Variants in ADAM23 observed in about 807,000 individuals in gnomAD.
ADAM23 encodes disintegrin and metalloproteinase domain-containing protein 23.
In ADAM23, 33 loss-of-function variants were observed where a neutral mutation model predicts 120.1. That is an observed-to-expected ratio of 0.27 (90% CI 0.21 to 0.37). The LOEUF (loss-of-function observed/expected upper bound fraction) is 0.37, where lower values mean the gene tolerates loss of function less well. ADAM23 is among the 10% of genes least tolerant of loss of function. The pLI, the probability that ADAM23 is intolerant of heterozygous loss-of-function variation, is 1.00. For synonymous variants in ADAM23, 367 were observed against 375.2 expected (o/e 0.98, Z 0.25); for missense variants, 862 against 1,058.2 (o/e 0.81, Z 2.57).
In ADAM23 at chr2:206,619,122, T is replaced by C. The variant is rs1698993420; in HGVS notation, c.*1495T>C. 1 of 152,242 alleles carries C rather than the reference T, an allele frequency of 6.6e-6. No homozygotes were observed. Among genetic ancestry groups the C allele is most frequent in the African/African-American group, 2.4e-5 (1 of 41,464 alleles). The allele number at this position is 152,242 out of a possible 1,614,324, so 9.4% of individuals were successfully genotyped here. Reference sequence around the variant, plus strand: ...AATAGAAGGAGCAGTTACCTTTGTATCCGCATTGTTAAAATAGGCTTTTAT... The same window carrying C: ...AATAGAAGGAGCAGTTACCTTTGTACCCGCATTGTTAAAATAGGCTTTTAT... On this transcript the variant is annotated 3_prime_UTR_variant, in exon 26 of 26. Transcript: ENST00000264377.
chr2:206,574,335 G>T (rs1698069171), intron 18 of ADAM23, among the ~76,000 whole-genome samples: 1 of 149,900 alleles, frequency 6.7e-6, no homozygotes, highest in Non-Finnish European at 1.5e-5. Context: ...GTTTTATTTT[G>T]CTTGGTTTTC....
intron 25 of ADAM23, among the ~76,000 whole-genome samples, chr2:206,617,203 C>A (rs1553566175): frequency 6.6e-6 from 1 of 152,146 alleles, no homozygotes; most frequent in Non-Finnish European, 1.5e-5. Context: ...TTTCTTAGTT[C>A]TCCCAATAGG....
chr2:206,523,921 T>C (rs371328553), intron 3 of ADAM23, among the ~76,000 whole-genome samples: 4 of 152,078 alleles, frequency 2.6e-5, no homozygotes, highest in South Asian at 4.2e-4. Context: ...GGCATAACAA[T>C]GTCACTACGC....
chr2:206,600,070 C>T (rs867908741), intron 24 of ADAM23, among the ~76,000 whole-genome samples: 3 of 152,150 alleles, frequency 2.0e-5, no homozygotes, highest in Non-Finnish European at 4.4e-5. Flanking sequence ...GGCGTGGTGG[C>T]AGGCACCTGT....
chr2:206,520,622 TC>T (rs1696823342), intron 3 of ADAM23, among the ~76,000 whole-genome samples: 2 of 152,178 alleles, frequency 1.3e-5, no homozygotes, highest in African/African-American at 4.8e-5. Context: ...GAGAGGCTGC[TC>T]CTTAATGTCT....
At chr2:206,539,760 A>C (rs1697253232) in intron 4 of ADAM23, among the ~76,000 whole-genome samples, 1 of 152,190 alleles carries the variant, frequency 6.6e-6, no homozygotes, top group African/African-American at 2.4e-5. Context: ...TTTATATGAG[A>C]TAACTCAAGA....
chr2:206,504,778 C>G (rs1332086973), intron 3 of ADAM23, among the ~76,000 whole-genome samples: 2 of 152,164 alleles, frequency 1.3e-5, no homozygotes, highest in Non-Finnish European at 2.9e-5. Context: ...GCCCTAGAAC[C>G]CAGGACTCTG....
chr2:206,508,416 G>A (rs1244895044), intron 3 of ADAM23, among the ~76,000 whole-genome samples: 1 of 152,124 alleles, frequency 6.6e-6, no homozygotes, highest in Non-Finnish European at 1.5e-5. Context: ...AGAACTTTGG[G>A]AGGCAGAGGC....
chr2:206,491,226 G>T (rs1254944519), intron 3 of ADAM23, among the ~76,000 whole-genome samples: 2 of 151,994 alleles, frequency 1.3e-5, no homozygotes, highest in Admixed American at 6.6e-5. Context: ...TTAAGCACCA[G>T]GCTAGAGAAA....
intron 2 of ADAM23, among the ~76,000 whole-genome samples, chr2:206,473,641 CATATT>C (rs889463363): frequency 2.0e-5 from 3 of 149,262 alleles, no homozygotes; most frequent in African/African-American, 7.4e-5. Flanking sequence ...ATTTAATTGA[CATATT>C]ATATTTTTCA....
intron 3 of ADAM23, among the ~76,000 whole-genome samples, chr2:206,502,704 C>T (rs1248912303): frequency 6.6e-6 from 1 of 152,118 alleles, no homozygotes; most frequent in African/African-American, 2.4e-5. Flanking sequence ...CTGACCATAT[C>T]CTAATGAGGC....
chr2:206,492,034 T>A (rs74848773), intron 3 of ADAM23, among the ~76,000 whole-genome samples: 18,887 of 152,212 alleles, frequency 0.12, 1,215 homozygotes, highest in Middle Eastern at 0.15. Context: ...TGCCAGGCAC[T>A]GTCAAAGTTT....
chr2:206,469,860 C>T (rs1205790958), intron 2 of ADAM23, among the ~76,000 whole-genome samples: 1 of 152,142 alleles, frequency 6.6e-6, no homozygotes, highest in Non-Finnish European at 1.5e-5. Flanking sequence ...ATTCTCTTTC[C>T]TTAGGTATTT....
At position 206,619,062 on chromosome 2, in the gene ADAM23, A is replaced by G. The variant is rs1046280130; in HGVS notation, c.*1435A>G. On this transcript the variant is annotated 3_prime_UTR_variant, in exon 26 of 26. Coordinates refer to ENST00000264377, the MANE Select transcript of ADAM23 (RefSeq NM_003812.4). Reference sequence around the variant, plus strand: ...TGCTCATTTTCCTGCCTCAAAATATATATGGTAGAACCCTATTGGAAAAGT... The same window carrying G: ...TGCTCATTTTCCTGCCTCAAAATATGTATGGTAGAACCCTATTGGAAAAGT... 1.8e-4 allele frequency: 27 copies of G among 152,220 alleles called. No homozygotes were observed. The highest frequency in any genetic ancestry group is 6.3e-4 in the African/African-American group (26 of 41,458). 9.4% of individuals were successfully genotyped at this position (152,220 alleles called of 1,614,324 possible).
chr2:206,506,831 AT>A (rs1696506839), intron 3 of ADAM23, among the ~76,000 whole-genome samples: 1 of 152,206 alleles, frequency 6.6e-6, no homozygotes, highest in Non-Finnish European at 1.5e-5. Flanking sequence ...CCTTGGTTTT[AT>A]CTAAGTAAAA....
At chr2:206,478,927 A>G (rs1053772711) in intron 2 of ADAM23, among the ~76,000 whole-genome samples, 1 of 152,090 alleles carries the variant, frequency 6.6e-6, no homozygotes, top group African/African-American at 2.4e-5. Flanking sequence ...CTGTGCCTGG[A>G]TGGGGTTCAG....
At chr2:206,445,244 TA>T in intron 1 of ADAM23, 62 bp from the exon 2 acceptor site, 2 of 1,194,456 alleles carry the variant, frequency 1.7e-6, no homozygotes, top group Non-Finnish European at 2.4e-6. Flanking sequence ...ATTTATGGGG[TA>T]AATATGTGTG....
At chr2:206,523,749 T>A (rs559196169) in intron 3 of ADAM23, among the ~76,000 whole-genome samples, 39 of 152,196 alleles carry the variant, frequency 2.6e-4, no homozygotes, top group Non-Finnish European at 4.3e-4. Flanking sequence ...AGCTTATGTT[T>A]ATATGAATGT....
At chr2:206,537,357 G>A (rs1486329257) in intron 4 of ADAM23, among the ~76,000 whole-genome samples, 3 of 152,126 alleles carry the variant, frequency 2.0e-5, no homozygotes, top group Non-Finnish European at 2.9e-5. Flanking sequence ...TGGCTGGGAG[G>A]TAGGGTTGAT....
Sources: gnomAD v4.1 joint callset for allele counts (sites outside exome capture counted in the v4.1 genomes callset) on GRCh38, gnomAD v4.1.1 for gene constraint, MANE v1.5 for transcripts, NCBI Gene and HGNC (gene_info 2026-07-23, HGNC 2026-07-21) for gene names.